CPPED1: variants seen among roughly 807,000 people sequenced by gnomAD.
CPPED1 encodes the protein calcineurin like phosphoesterase domain containing 1, also known as serine/threonine-protein phosphatase CPPED1.
Under a neutral mutation model 28.0 loss-of-function variants are expected in CPPED1, and 28 were observed. The ratio of observed to expected loss-of-function variants is 1.00; its 90% CI spans 0.74 to 1.37. The LOEUF (loss-of-function observed/expected upper bound fraction) is 1.37, where lower values mean the gene tolerates loss of function less well. CPPED1 is among the 40% of genes most tolerant of loss of function. The probability of loss-of-function intolerance (pLI) is 0.00; values close to 1 mark genes in which losing one functional copy is unlikely to be tolerated. For synonymous variants in CPPED1, 198 were observed against 180.2 expected, an observed-to-expected ratio of 1.10 and a Z score of -0.79; for missense variants, 504 against 416.5, an observed-to-expected ratio of 1.21 and a Z score of -1.83.
chr16:12,704,038 G>A (rs1458480714), intron 3 of CPPED1, among the ~76,000 whole-genome samples: 1 of 152,210 alleles, frequency 6.6e-6, no homozygotes, highest in Non-Finnish European at 1.5e-5. Flanking sequence ...CTTGGCAGAG[G>A]AAAACTGATC....
chr16:12,688,588 C>T (rs1476301925), intron 3 of CPPED1, among the ~76,000 whole-genome samples: 5 of 152,114 alleles, frequency 3.3e-5, no homozygotes, highest in Non-Finnish European at 7.4e-5. Flanking sequence ...TCTGCTGCCT[C>T]GGCCTCCCAA....
chr16:12,694,744 G>T (rs1368608266), intron 3 of CPPED1, among the ~76,000 whole-genome samples: 5 of 93,286 alleles, frequency 5.4e-5, no homozygotes, highest in African/African-American at 2.3e-4. Flanking sequence ...GGGGGGGGGC[G>T]GGGGCATGAG....
At position 12,662,593 on chromosome 16, in the gene CPPED1, C is replaced by G. The variant is rs2079801437; in HGVS notation, c.*2293G>C. The G allele has an allele frequency of 6.6e-6, 1 of 152,172 alleles. No homozygotes were observed. The highest frequency in any genetic ancestry group is 2.1e-4 in the South Asian group (1 of 4,830). The allele number at this position is 152,172 out of a possible 1,614,324, so 9.4% of individuals were successfully genotyped here. ...TCCACACTCTATGTTCATGGGTACA[C>G]TTTATGTAGCTCCCATTTATGAGTG... On this transcript the variant is annotated 3_prime_UTR_variant, in exon 4 of 4. Transcript: ENST00000381774.
At chr16:12,719,795 C>T (rs151325337) in intron 2 of CPPED1, among the ~76,000 whole-genome samples, 147 of 151,952 alleles carry the variant, frequency 9.7e-4, no homozygotes, top group East Asian at 2.9e-3. Flanking sequence ...ATTAGCCGGG[C>T]GTGGTGGCAC....
intron 1 of CPPED1, among the ~76,000 whole-genome samples, chr16:12,803,223 G>C (rs1041112747): frequency 8.5e-5 from 13 of 152,100 alleles, no homozygotes; most frequent in African/African-American, 3.1e-4. Flanking sequence ...TTACCATTTC[G>C]GTGAATGACT....
intron 2 of CPPED1, among the ~76,000 whole-genome samples, chr16:12,755,946 A>C (rs906765061): frequency 2.0e-5 from 3 of 152,088 alleles, no homozygotes; most frequent in African/African-American, 4.8e-5. Flanking sequence ...CCTGGCTAAC[A>C]CGGTGAAAAC....
In CPPED1 at chr16:12,779,550, G is replaced by A. The variant is rs373025256; in HGVS notation, c.289+1635C>T. Among the ~76,000 whole-genome samples, 25 of 152,002 alleles carry A rather than the reference G, an allele frequency of 1.6e-4. No individual in the cohort carries two copies. The South Asian group carries it at 4.6e-3, about 28-fold the overall frequency. On this transcript the variant is annotated intron_variant, in intron 2 of 3. Transcript: ENST00000381774. The stretch of plus-strand genomic sequence containing the variant: ...GTTACAGGTGCCTGCCACCACACCC[G>A]GCTAATTTTTATATTTTTTAGTAGA...
At chr16:12,684,407 TCCATCA>T (rs2079922066) in intron 3 of CPPED1, among the ~76,000 whole-genome samples, 1 of 152,166 alleles carries the variant, frequency 6.6e-6, no homozygotes, top group Non-Finnish European at 1.5e-5. Flanking sequence ...TTGAGGGTTC[TCCATCA>T]CCTTAGGATC....
At chr16:12,791,394 C>A (rs1469232138) in intron 1 of CPPED1, among the ~76,000 whole-genome samples, 1 of 152,126 alleles carries the variant, frequency 6.6e-6, no homozygotes, top group East Asian at 1.9e-4. Context: ...AGGACATGAG[C>A]TCATTCTTTT....
chr16:12,696,504 G>A (rs1596449724), intron 3 of CPPED1, among the ~76,000 whole-genome samples: 1 of 147,646 alleles, frequency 6.8e-6, no homozygotes, highest in Non-Finnish European at 1.5e-5. Context: ...GCAGTGGCGT[G>A]ATCTCGGCTC....
chr16:12,673,981 G>A (rs919381305), intron 3 of CPPED1, among the ~76,000 whole-genome samples: 1 of 152,096 alleles, frequency 6.6e-6, no homozygotes, highest in Non-Finnish European at 1.5e-5. Context: ...CTCAGGAGTT[G>A]GAGGTTGCAG....
chr16:12,701,842 G>A (rs1184161704), intron 3 of CPPED1, among the ~76,000 whole-genome samples: 2 of 152,220 alleles, frequency 1.3e-5, no homozygotes, highest in African/African-American at 4.8e-5. Context: ...AAATAACCAA[G>A]TGCCTTCAGC....
chr16:12,727,768 G>A (rs1280478241), intron 2 of CPPED1, among the ~76,000 whole-genome samples: 1 of 152,108 alleles, frequency 6.6e-6, no homozygotes, highest in African/African-American at 2.4e-5. Context: ...ATTACAACAC[G>A]GACTTATGAA....
chr16:12,709,300 G>C lies in CPPED1; in HGVS notation c.290-4251C>G, dbSNP rs2080067727. Among the ~76,000 whole-genome samples, 1 of 152,130 alleles carries C rather than the reference G, an allele frequency of 6.6e-6. No homozygotes were observed. Among genetic ancestry groups the C allele is most frequent in the Non-Finnish European group, 1.5e-5 (1 of 68,016 alleles). Reference sequence around the variant, plus strand: ...AAAAATGGCAAGACATGACTCAGAAGAGGGGCAGAGAAGGATTGTTCTGGG... The same window carrying C: ...AAAAATGGCAAGACATGACTCAGAACAGGGGCAGAGAAGGATTGTTCTGGG... On this transcript the variant is annotated intron_variant, in intron 2 of 3. Coordinates refer to ENST00000381774, the MANE Select transcript of CPPED1 (RefSeq NM_018340.3). The surrounding 1 kb of genome is among the most constrained non-coding windows in gnomAD (Gnocchi z 4.4).
At chr16:12,797,259 A>T (rs1323969102) in intron 1 of CPPED1, among the ~76,000 whole-genome samples, 1 of 152,182 alleles carries the variant, frequency 6.6e-6, no homozygotes, top group Non-Finnish European at 1.5e-5. Flanking sequence ...AAAGTTATTA[A>T]AAAAATTTAG....
chr16:12,768,786 T>C (rs1017907579), intron 2 of CPPED1, among the ~76,000 whole-genome samples: 4 of 152,150 alleles, frequency 2.6e-5, no homozygotes, highest in Non-Finnish European at 5.9e-5. Flanking sequence ...AGAGATCACA[T>C]GGATTTTTTT....
intron 3 of CPPED1, among the ~76,000 whole-genome samples, chr16:12,696,364 C>A (rs559727924): frequency 6.6e-6 from 1 of 151,412 alleles, no homozygotes; most frequent in Non-Finnish European, 1.5e-5. Context: ...CCAAACGGTT[C>A]GGGATCATAC....
intron 2 of CPPED1, among the ~76,000 whole-genome samples, chr16:12,748,154 G>A (rs139685599): frequency 6.6e-6 from 1 of 152,296 alleles, no homozygotes; most frequent in East Asian, 1.9e-4. Context: ...AGTAACAAAG[G>A]AGAAAGCTCA....
chr16:12,689,157 G>T (rs1219609891), intron 3 of CPPED1, among the ~76,000 whole-genome samples: 2 of 142,588 alleles, frequency 1.4e-5, no homozygotes, highest in Non-Finnish European at 3.0e-5. Flanking sequence ...ATAATGCTTT[G>T]TATGACATCA....
Sources: allele counts gnomAD v4.1 joint callset (sites outside exome capture counted in the v4.1 genomes callset), GRCh38; gene constraint gnomAD v4.1.1; non-coding constraint Gnocchi (gnomAD v3.1); transcripts MANE v1.5; gene names NCBI Gene and HGNC (gene_info 2026-07-23, HGNC 2026-07-21).